Variants in SPTBN5 observed in about 807,000 individuals in gnomAD.
SPTBN5 encodes the protein spectrin beta chain, non-erythrocytic 5.
Under a neutral mutation model 477.6 loss-of-function variants are expected in SPTBN5, and 513 were observed. The ratio of observed to expected loss-of-function variants is 1.07; its 90% CI spans 1.00 to 1.16. The LOEUF (loss-of-function observed/expected upper bound fraction) is 1.16. SPTBN5 is among the 50% of genes most tolerant of loss of function. The pLI is 0.00. For synonymous variants in SPTBN5, 2,169 were observed against 2,011.7 expected (o/e 1.08, Z -2.09); for missense variants, 5,062 against 4,731.8 (o/e 1.07, Z -2.05).
Position 41,854,067 on chromosome 15 carries a change from G to A in SPTBN5, c.9757C>T (p.Gln3253Ter), listed in dbSNP as rs747569038. The A allele has an allele frequency of 6.4e-7, 1 of 1,572,574 alleles. No homozygotes were observed. The highest frequency in any genetic ancestry group is 2.3e-5 in the East Asian group (1 of 42,880). ...GGCCTCACCTCCAGGCGCCTGTGCT[G>A]TTGCTGCAGGGTCCGCACAGATGAC... ...SLSSVRTLQQQHRRLERELEA... is the reference protein window; with the variant it reads ...SLSSVRTLQQ Residue 3253 changes from glutamine (Q) to a stop codon, truncating the protein, a stop_gained, in exon 57 of 68, where the codon CAG (glutamine) becomes TAG (stop). Transcript: ENST00000320955. LOFTEE classifies it high-confidence loss of function.
Position 41,857,511 on chromosome 15 carries a change from G to A in SPTBN5, c.8365-17C>T, listed in dbSNP as rs1301909349. 6.2e-7 allele frequency: 1 copy of A among 1,603,054 alleles called. No homozygotes were observed. The highest frequency in any genetic ancestry group is 8.5e-7 in the Non-Finnish European group (1 of 1,172,048). Reference sequence around the variant, plus strand: ...ACGCAGGGCCTAGGGTAGAAAGTGAGGTAGGCAGGAGGGGAGTGTCCTGGA... The same window carrying A: ...ACGCAGGGCCTAGGGTAGAAAGTGAAGTAGGCAGGAGGGGAGTGTCCTGGA... On this transcript the variant is annotated splice_polypyrimidine_tract_variant and intron_variant, in intron 50 of 67. Coordinates refer to ENST00000320955, the MANE Select transcript of SPTBN5 (RefSeq NM_016642.4).
At position 41,861,415 on chromosome 15, in the gene SPTBN5, C is replaced by A. The variant is rs1207092769; in HGVS notation, c.7815+4G>T. ...CCTCCTGCCCATTCCTGCTGGGCAC[C>A]TACCCATAGACCCTCACTGGCTAGG... is the stretch of plus-strand genomic sequence containing the variant. On this transcript the variant is annotated splice_donor_region_variant and intron_variant, in intron 46 of 67. Coordinates refer to ENST00000320955, the MANE Select transcript of SPTBN5 (RefSeq NM_016642.4). 2 of 1,612,596 alleles carry A rather than the reference C, an allele frequency of 1.2e-6. No individual in the cohort carries two copies. The highest frequency in any genetic ancestry group is 1.7e-6 in the Non-Finnish European group (2 of 1,179,054).
At position 41,861,762 on chromosome 15, in the gene SPTBN5, T is replaced by G; in HGVS notation, c.7710A>C (p.Leu2570=). 6.4e-7 allele frequency: 1 copy of G among 1,552,178 alleles called. No homozygotes were observed. Among genetic ancestry groups the G allele is most frequent in the South Asian group, 1.2e-5 (1 of 84,850 alleles). The change falls in exon 45 of 68, where the codon CTA becomes CTC. Residue 2570 remains leucine (L), a synonymous_variant. Coordinates refer to ENST00000320955, the MANE Select transcript of SPTBN5 (RefSeq NM_016642.4). ...GTAGCTCCAGGGCCTGCTGCAGCTG[T>G]AGCTGATGCTCCTGCCAGGCCCCTT... ...SLEGAWQEHQ[L]QLQQALELQL...
In SPTBN5 at chr15:41,867,146, C is replaced by T; in HGVS notation, c.6313-20G>A. 6.6e-7 allele frequency: 1 copy of T among 1,514,194 alleles called. No homozygotes were observed. Among genetic ancestry groups the T allele is most frequent in the South Asian group, 1.2e-5 (1 of 80,760 alleles). 93.8% of individuals were successfully genotyped at this position (1,514,194 alleles called of 1,614,324 possible). A position where few individuals can be genotyped will look rare whatever the true frequency, so the allele number is the denominator to read the frequency against. ...TGCCTCCTGTGGGGCAGGGGCACAG[C>T]TGCTGCTCTCCCACCCTGGGCTGGG... On this transcript the variant is annotated intron_variant, in intron 35 of 67. Transcript: ENST00000320955.
intron 67 of SPTBN5, among the ~76,000 whole-genome samples, chr15:41,849,145 T>C (rs2065660369): frequency 6.6e-6 from 1 of 152,154 alleles, no homozygotes; most frequent in Admixed American, 6.5e-5. Flanking sequence ...CTCCAGTCCC[T>C]CCTCCACTTT....
At position 41,861,823 on chromosome 15, in the gene SPTBN5, A is replaced by T; in HGVS notation, c.7649T>A (p.Val2550Glu). 1 of 1,600,456 alleles carries T rather than the reference A, an allele frequency of 6.2e-7. No homozygotes were observed. Among genetic ancestry groups the T allele is most frequent in the Non-Finnish European group, 8.5e-7 (1 of 1,176,790 alleles). The change falls in exon 45 of 68, where the codon GTG (valine) becomes GAG (glutamate). Residue 2550 changes from valine (V) to glutamate (E), a missense_variant. Transcript: ENST00000320955. Reference protein sequence around the residue: ...GHPFSSDIRQVLAGLEQELSS... With the variant: ...GHPFSSDIRQELAGLEQELSS... ...CAGCTCCTGTTCTAAGCCAGCCAGC[A>T]CCTGGCGAATGTCGGAGCTGAAGGG...
At chr15:41,848,715 C>A in intron 67 of SPTBN5, 87 bp from the exon 68 acceptor site, 1 of 1,472,614 alleles carries the variant, frequency 6.8e-7, no homozygotes, top group South Asian at 1.1e-5. Flanking sequence ...CCTGCCCTCC[C>A]CTGGACCAGC....
intron 41 of SPTBN5, among the ~76,000 whole-genome samples, chr15:41,863,334 GCT>G (rs1249194101): frequency 6.6e-6 from 1 of 152,222 alleles, no homozygotes; most frequent in Non-Finnish European, 1.5e-5. Flanking sequence ...CCAGCCCGGG[GCT>G]CTGTGGTTAT....
Position 41,869,906 on chromosome 15 carries a change from G to A in SPTBN5, c.5788C>T (p.Arg1930Ter), listed in dbSNP as rs771424817. The A allele has an allele frequency of 3.9e-5, 60 of 1,550,016 alleles. 1 individual carries two copies. Among genetic ancestry groups the A allele is most frequent in the Non-Finnish European group, 4.5e-5 (52 of 1,149,912 alleles). Residue 1930 changes from arginine to a stop codon, truncating the protein, a stop_gained, in exon 32 of 68, where the codon CGA becomes TGA. Transcript: ENST00000320955. LOFTEE classifies it high-confidence loss of function. Reference sequence around the variant, plus strand: ...TGGGCCCTGCGCTGCTCCATGCGTCGCTGCAGCACTGCCCACGCCTGCGTC... The same window carrying A: ...TGGGCCCTGCGCTGCTCCATGCGTCACTGCAGCACTGCCCACGCCTGCGTC... The part of the protein sequence containing the change: ...AVTQAWAVLQ[R>*]RMEQRRAQLE...
In SPTBN5 at chr15:41,861,777, C is replaced by G; in HGVS notation, c.7695G>C (p.Trp2565Cys). 4.5e-6 allele frequency: 7 copies of G among 1,558,254 alleles called. No homozygotes were observed. The highest frequency in any genetic ancestry group is 5.2e-6 in the Non-Finnish European group (6 of 1,155,556). The change falls in exon 45 of 68, where the codon TGG becomes TGC. Residue 2565 changes from tryptophan (W) to cysteine (C), a missense_variant. Trp to Cys is a radical substitution (Grantham distance 215, BLOSUM62 -2). Transcript: ENST00000320955. ...EQELSSLEGA[W>C]QEHQLQLQQA... ...GCTGCAGCTGTAGCTGATGCTCCTG[C>G]CAGGCCCCTTCCAGGCTGCTCAGCT... is the stretch of plus-strand genomic sequence containing the variant.
intron 67 of SPTBN5, 114 bp from the exon 68 acceptor site, chr15:41,848,742 G>T: frequency 8.1e-7 from 1 of 1,238,352 alleles, no homozygotes; most frequent in Non-Finnish European, 1.2e-6. Context: ...CCTAGAATAA[G>T]CGTGGGAGTG....
rs568310189 is a variant in SPTBN5, at chr15:41,853,527, G to C, written c.9980+55C>G. On this transcript the variant is annotated intron_variant, in intron 58 of 67. Coordinates refer to ENST00000320955, the MANE Select transcript of SPTBN5 (RefSeq NM_016642.4). ...AGGGTCCAGCTCCCCCAAGAGCCAG[G>C]ATACCCCCACCCCACAGGGTAGAGC... The C allele has an allele frequency of 5.2e-6, 8 of 1,540,942 alleles. No homozygotes were observed. In the East Asian group the frequency reaches 9.1e-5, roughly 18 times the overall value.
At position 41,861,437 on chromosome 15, in the gene SPTBN5, T is replaced by C. The variant is rs1218610477; in HGVS notation, c.7797A>G (p.Leu2599=). 1.9e-6 allele frequency: 3 copies of C among 1,613,484 alleles called. No individual in the cohort carries two copies. Among genetic ancestry groups the C allele is most frequent in the Non-Finnish European group, 2.5e-6 (3 of 1,179,770 alleles). The change falls in exon 46 of 68, where the codon CTA becomes CTG. Residue 2599 remains leucine, a synonymous_variant. Transcript: ENST00000320955. ...ERWLCSKEDS[L]ASEGLWDPLA... is the part of the protein sequence containing the mutation. ...CACCTACCCATAGACCCTCACTGGC[T>C]AGGGAGTCTTCCTTGCTGCAAAGCC...
At chr15:41,857,546 G>A in intron 50 of SPTBN5, 27 bp downstream of exon 50, 1 of 1,604,186 alleles carries the variant, frequency 6.2e-7, no homozygotes, top group Non-Finnish European at 8.5e-7. Flanking sequence ...AGCCCGGCCA[G>A]CCACCCCTCG....
chr15:41,851,463 G>A (rs2140909338), intron 63 of SPTBN5, 94 bp from the exon 64 acceptor site: 2 of 954,580 alleles, frequency 2.1e-6, no homozygotes, highest in East Asian at 5.2e-5. Context: ...GAGCTTCCCA[G>A]GAAAAGCGGT....
rs370429642 is a variant in SPTBN5 at position 41,857,253 on chromosome 15, C to G, written c.8606G>C (p.Arg2869Pro). The G allele has an allele frequency of 6.3e-7, 1 of 1,582,616 alleles. No homozygotes were observed. Among genetic ancestry groups the G allele is most frequent in the South Asian group, 1.1e-5 (1 of 87,164 alleles). ...CLAQDVEEQA[R>P]RLLQRFKSLR... ...GTGGATCTACCTCTGAAGCAGCCGC[C>G]GGGCCTGCTCTTCCACATCTTGGGC... The change falls in exon 51 of 68, where the codon CGG becomes CCG. Residue 2869 changes from arginine (R) to proline (P), a missense_variant. Transcript: ENST00000320955.
At chr15:41,852,110 A>C (rs1006556390) in intron 62 of SPTBN5, 72 bp downstream of exon 62, 159 of 1,502,174 alleles carry the variant, frequency 1.1e-4, no homozygotes, top group Non-Finnish European at 1.4e-4. Flanking sequence ...CCTCACCCCC[A>C]CAGCCCCAGC....
chr15:41,853,520 G>A, intron 58 of SPTBN5, 62 bp downstream of exon 58: 1 of 1,538,238 alleles, frequency 6.5e-7, no homozygotes, highest in Non-Finnish European at 8.8e-7. Context: ...GCTCCCCCAA[G>A]AGCCAGGATA....
intron 5 of SPTBN5, 72 bp downstream of exon 5, chr15:41,887,856 T>G: frequency 6.8e-7 from 1 of 1,465,604 alleles, no homozygotes. Context: ...GGAGAACGGG[T>G]GGGCTGAGGA....
Sources: allele counts gnomAD v4.1 joint callset (sites outside exome capture counted in the v4.1 genomes callset), GRCh38; gene constraint gnomAD v4.1.1; transcripts MANE v1.5; gene names NCBI Gene and HGNC (gene_info 2026-07-23, HGNC 2026-07-21).